Variants in NRXN3 observed in about 807,000 individuals in gnomAD.
NRXN3 encodes the protein neurexin III.
A neutral mutation model predicts 137.6 loss-of-function variants in NRXN3; 32 were observed. The ratio of observed to expected loss-of-function variants is 0.23; its 90% CI spans 0.18 to 0.31. The LOEUF (loss-of-function observed/expected upper bound fraction) is 0.31. NRXN3 is among the 10% of genes least tolerant of loss of function. The probability of loss-of-function intolerance (pLI) is 1.00; values close to 1 mark genes in which losing one functional copy is unlikely to be tolerated. For synonymous variants in NRXN3, 798 were observed against 784.5 expected (o/e 1.02, Z -0.29); for missense variants, 1,574 against 2,062.5 (o/e 0.76, Z 4.59).
intron 15 of NRXN3, among the ~76,000 whole-genome samples, chr14:79,029,440 G>A (rs1056398951): frequency 3.3e-5 from 5 of 152,218 alleles, no homozygotes; most frequent in East Asian, 1.9e-4. Context: ...TCAAGAGGGT[G>A]GAAGGTGACC....
At chr14:79,288,055 T>C (rs2082571002) in intron 15 of NRXN3, among the ~76,000 whole-genome samples, 1 of 152,250 alleles carries the variant, frequency 6.6e-6, no homozygotes, top group African/African-American at 2.4e-5. Context: ...ATCTTAAACC[T>C]ATCTGAGTTC....
intron 1 of NRXN3, among the ~76,000 whole-genome samples, chr14:78,208,305 A>G (rs956997706): frequency 1.3e-5 from 2 of 151,984 alleles, no homozygotes; most frequent in African/African-American, 4.8e-5. Context: ...GACACTGTTG[A>G]CCTCTCCAAG....
chr14:79,420,219 T>C (rs1362399708), intron 15 of NRXN3, among the ~76,000 whole-genome samples: 1 of 152,148 alleles, frequency 6.6e-6, no homozygotes, highest in African/African-American at 2.4e-5. Flanking sequence ...GGTATAATTA[T>C]TATTATTTTC....
intron 4 of NRXN3, among the ~76,000 whole-genome samples, chr14:78,555,687 T>C (rs2152231500): frequency 6.6e-6 from 1 of 152,354 alleles, no homozygotes; most frequent in Middle Eastern, 3.4e-3. Context: ...TCCCTTTATA[T>C]GTGTATCTTA....
chr14:79,398,746 A>G (rs950896389), intron 15 of NRXN3, among the ~76,000 whole-genome samples: 4 of 152,156 alleles, frequency 2.6e-5, no homozygotes, highest in Non-Finnish European at 5.9e-5. Context: ...GTGGTTGTTC[A>G]TGCCTGTAAT....
intron 16 of NRXN3, among the ~76,000 whole-genome samples, chr14:79,486,262 A>G (rs1335005897): frequency 6.6e-6 from 1 of 152,114 alleles, no homozygotes; most frequent in Non-Finnish European, 1.5e-5. Flanking sequence ...GGGTCTCCAA[A>G]TGTTTTTGGT....
At chr14:79,582,809 A>G (rs1051955454) in intron 16 of NRXN3, among the ~76,000 whole-genome samples, 11 of 152,256 alleles carry the variant, frequency 7.2e-5, no homozygotes, top group African/African-American at 2.7e-4. Flanking sequence ...AACATTATGT[A>G]TAACACAGAT....
intron 12 of NRXN3, 123 bp downstream of exon 12, chr14:78,966,529 G>T (rs1373206852): frequency 1.7e-5 from 17 of 1,016,636 alleles, no homozygotes; most frequent in Admixed American, 2.4e-5. Flanking sequence ...ACACATTCTC[G>T]CATCTTCCTT....
intron 15 of NRXN3, among the ~76,000 whole-genome samples, chr14:79,024,077 T>C (rs919895548): frequency 6.6e-6 from 1 of 152,066 alleles, no homozygotes; most frequent in Non-Finnish European, 1.5e-5. Flanking sequence ...CGAGCTGAAG[T>C]AGGTGAATCA....
intron 1 of NRXN3, among the ~76,000 whole-genome samples, chr14:78,182,526 A>G (rs2059900178): frequency 6.6e-6 from 1 of 152,186 alleles, no homozygotes; most frequent in Non-Finnish European, 1.5e-5. Flanking sequence ...CTGGAATGCA[A>G]TGGCGCGATC....
intron 4 of NRXN3, among the ~76,000 whole-genome samples, chr14:78,595,375 T>A (rs577355025): frequency 6.6e-6 from 1 of 152,176 alleles, no homozygotes; most frequent in Non-Finnish European, 1.5e-5. Flanking sequence ...AGCTTGTCAT[T>A]GAGCTAGTAC....
At chr14:78,644,427 A>G (rs1034343213) in intron 4 of NRXN3, among the ~76,000 whole-genome samples, 4 of 152,186 alleles carry the variant, frequency 2.6e-5, no homozygotes, top group Non-Finnish European at 5.9e-5. Flanking sequence ...TAGTCCAACC[A>G]GGGTCTTCAA....
intron 16 of NRXN3, among the ~76,000 whole-genome samples, chr14:79,598,640 GA>G (rs914928417): frequency 2.1e-4 from 32 of 152,326 alleles, no homozygotes; most frequent in African/African-American, 7.0e-4. Context: ...AGCCTAAGCA[GA>G]ATCTCTTCTA....
At chr14:78,343,054 A>G (rs913437335) in intron 4 of NRXN3, among the ~76,000 whole-genome samples, 5 of 152,170 alleles carry the variant, frequency 3.3e-5, no homozygotes, top group African/African-American at 9.7e-5. Context: ...TTAGAAAAGC[A>G]AATTTCTTGA....
intron 1 of NRXN3, among the ~76,000 whole-genome samples, chr14:78,206,474 A>G (rs1216404310): frequency 6.6e-6 from 1 of 152,004 alleles, no homozygotes; most frequent in African/African-American, 2.4e-5. Context: ...TGGGGAAGAA[A>G]CTCTCTCTTG....
At chr14:79,042,029 C>G (rs1019330913) in intron 15 of NRXN3, among the ~76,000 whole-genome samples, 1 of 152,144 alleles carries the variant, frequency 6.6e-6, no homozygotes, top group Non-Finnish European at 1.5e-5. Flanking sequence ...AGTGGAGAAA[C>G]AGATATGCCT....
At chr14:78,979,335 G>T (rs543230259) in intron 14 of NRXN3, among the ~76,000 whole-genome samples, 1 of 152,048 alleles carries the variant, frequency 6.6e-6, no homozygotes, top group Non-Finnish European at 1.5e-5. Context: ...CGAGACTATA[G>T]ATTGCTCAGG....
chr14:78,335,498 T>C (rs1319915048), intron 4 of NRXN3, among the ~76,000 whole-genome samples: 1 of 152,230 alleles, frequency 6.6e-6, no homozygotes, highest in East Asian at 1.9e-4. Flanking sequence ...ACCTGGCAGG[T>C]GTTTAGTAAT....
intron 19 of NRXN3, among the ~76,000 whole-genome samples, chr14:79,727,848 A>G (rs1419427770): frequency 6.6e-6 from 1 of 152,192 alleles, no homozygotes; most frequent in Non-Finnish European, 1.5e-5. Context: ...AGGAAATACC[A>G]GGTTACGAAT....
Sources: allele counts gnomAD v4.1 joint callset (sites outside exome capture counted in the v4.1 genomes callset), GRCh38; gene constraint gnomAD v4.1.1; transcripts MANE v1.5; gene names NCBI Gene and HGNC (gene_info 2026-07-23, HGNC 2026-07-21).